Variants in CELF2 observed in about 807,000 individuals in gnomAD.
CELF2 encodes CUG triplet repeat RNA-binding protein 2.
Under a neutral mutation model 62.6 loss-of-function variants are expected in CELF2, and 8 were observed. The ratio of observed to expected loss-of-function variants is 0.13; its 90% CI spans 0.07 to 0.23. The LOEUF is 0.23. Among genes scored for constraint, CELF2 ranks in the 10% least tolerant of loss-of-function variants. The pLI, the probability that CELF2 is intolerant of heterozygous loss-of-function variation, is 1.00. For synonymous variants in CELF2, 258 were observed against 250.0 expected (o/e 1.03, Z -0.30); for missense variants, 333 against 671.0 (o/e 0.50, Z 5.56).
rs540938257 is a variant in CELF2 at position 10,859,103 on chromosome 10, AATG to A, written c.53+60289_53+60291del. 2.4e-3 allele frequency among the ~76,000 whole-genome samples: 365 copies of A among 152,282 alleles called. 2 individuals carry two copies. Among genetic ancestry groups the A allele is most frequent in the African/African-American group, 8.2e-3 (342 of 41,566 alleles). On this transcript the variant is annotated intron_variant, in intron 1 of 13. Transcript: ENST00000636488. ...TAAACTTTTTTCAAGTATTCGTATT[AATG>A]ATTTTTGGTTTTGTTTTCCTTTTTT... is the stretch of plus-strand genomic sequence containing the variant.
chr10:11,284,099 T>C (rs1200142969), intron 8 of CELF2, among the ~76,000 whole-genome samples: 19 of 77,716 alleles, frequency 2.4e-4, no homozygotes, highest in East Asian at 2.2e-3. Context: ...AGTGGGTGGA[T>C]GATGGATGAC....
At chr10:10,537,437 T>C in the CELF2 span, among the ~76,000 whole-genome samples, 1 of 152,212 alleles carries the variant, frequency 6.6e-6, no homozygotes, top group Non-Finnish European at 1.5e-5. Flanking sequence ...CTAGCATTTG[T>C]TGGGCCCCAG....
At chr10:10,732,557 T>G in the CELF2 span, among the ~76,000 whole-genome samples, 2 of 140,780 alleles carry the variant, frequency 1.4e-5, no homozygotes, top group Non-Finnish European at 1.5e-5. Flanking sequence ...AAAGTCTCAC[T>G]CTGTTGCCCA....
intron 1 of CELF2, among the ~76,000 whole-genome samples, chr10:10,883,765 G>A (rs1326023406): frequency 1.3e-5 from 2 of 152,110 alleles, no homozygotes; most frequent in African/African-American, 4.8e-5. Context: ...GCTGATATTT[G>A]ACCATATTGA....
rs770141923 is a variant in CELF2 at position 10,979,414 on chromosome 10, T to C, written c.89+59415T>C. The stretch of plus-strand genomic sequence containing the variant: ...AGCCTGACGCTGTGCCTCACGCCTG[T>C]AATCCCAGCACTTTGGGAGGCCTAG... On this transcript the variant is annotated intron_variant, in intron 2 of 13. Coordinates refer to the CELF2 transcript ENST00000636488. Among the ~76,000 whole-genome samples, 125 of 152,336 alleles carry C rather than the reference T, an allele frequency of 8.2e-4. 1 individual carries two copies. The highest frequency in any genetic ancestry group is 6.8e-3 in the Middle Eastern group (2 of 294).
At chr10:10,637,139 C>T in the CELF2 span, among the ~76,000 whole-genome samples, 1 of 152,068 alleles carries the variant, frequency 6.6e-6, no homozygotes, top group Non-Finnish European at 1.5e-5. Context: ...ACTTGTTTTC[C>T]ATTACATCAT....
rs2056455683 is a variant in CELF2 at position 11,011,477 on chromosome 10, A to G, written c.53+6037A>G. Among the ~76,000 whole-genome samples, 1 of 151,712 alleles carries G rather than the reference A, an allele frequency of 6.6e-6. No individual in the cohort carries two copies. Among genetic ancestry groups the G allele is most frequent in the Non-Finnish European group, 1.5e-5 (1 of 67,936 alleles). ...CATCTTTATTATTAAAAAAAAAAAAAACGCAAAATACAATCCTTAGCTTCA... is the reference window on the plus strand; with the variant it reads ...CATCTTTATTATTAAAAAAAAAAAAGACGCAAAATACAATCCTTAGCTTCA... On this transcript the variant is annotated intron_variant, in intron 1 of 12. Coordinates refer to the CELF2 transcript ENST00000416382. This position sits in a 1 kb window ranked among gnomAD's most constrained non-coding sequence, Gnocchi z 4.6.
At chr10:10,891,447 C>T (rs1044092257) in intron 1 of CELF2, among the ~76,000 whole-genome samples, 7 of 151,826 alleles carry the variant, frequency 4.6e-5, no homozygotes, top group African/African-American at 1.7e-4. Context: ...GCAGCAGCAC[C>T]TTTTACCGAA....
At chr10:10,717,538 G>A in the CELF2 span, among the ~76,000 whole-genome samples, 2 of 151,962 alleles carry the variant, frequency 1.3e-5, no homozygotes, top group Non-Finnish European at 2.9e-5. Flanking sequence ...CTCTTCTCAC[G>A]TAAATGGAAA....
chr10:10,530,626 G>A, the CELF2 span, among the ~76,000 whole-genome samples: 1 of 152,172 alleles, frequency 6.6e-6, no homozygotes, highest in African/African-American at 2.4e-5. Context: ...TCCTCTGGGT[G>A]TCTGAAAGCC....
chr10:11,177,842 C>G lies in CELF2; in HGVS notation c.271+12160C>G, dbSNP rs1358048664. Among the ~76,000 whole-genome samples, 1 of 152,086 alleles carries G rather than the reference C, an allele frequency of 6.6e-6. No homozygotes were observed. Among genetic ancestry groups the G allele is most frequent in the Admixed American group, 6.5e-5 (1 of 15,286 alleles). ...TGCCTCCCATTCCCAAAGCATTCTCCCTAACCCCATGGTGGAGGCTGCGGA... is the reference window on the plus strand; with the variant it reads ...TGCCTCCCATTCCCAAAGCATTCTCGCTAACCCCATGGTGGAGGCTGCGGA... On this transcript the variant is annotated intron_variant, in intron 2 of 12. Transcript: ENST00000633077. This position sits in a 1 kb window ranked among gnomAD's most constrained non-coding sequence, Gnocchi z 4.8.
At chr10:11,171,529 A>G (rs2068854377) in intron 2 of CELF2, among the ~76,000 whole-genome samples, 1 of 152,244 alleles carries the variant, frequency 6.6e-6, no homozygotes, top group Admixed American at 6.5e-5. Context: ...AATGAACAGG[A>G]AGAAGGAAAC....
chr10:11,104,825 A>G (rs1259551569), intron 1 of CELF2, among the ~76,000 whole-genome samples: 2 of 152,238 alleles, frequency 1.3e-5, no homozygotes, highest in African/African-American at 4.8e-5. Context: ...TGGGAAAACA[A>G]TGACATGTTC....
the CELF2 span, among the ~76,000 whole-genome samples, chr10:10,581,829 A>G: frequency 6.6e-6 from 1 of 152,162 alleles, no homozygotes; most frequent in South Asian, 2.1e-4. Context: ...GGTGTTTGAG[A>G]ACAGCCTGGC....
the CELF2 span, among the ~76,000 whole-genome samples, chr10:10,634,190 A>G: frequency 2.0e-5 from 3 of 152,154 alleles, no homozygotes; most frequent in East Asian, 5.8e-4. Flanking sequence ...ATCCATGAAC[A>G]TAGTACATTT....
chr10:10,639,710 G>A, the CELF2 span, among the ~76,000 whole-genome samples: 2 of 151,638 alleles, frequency 1.3e-5, no homozygotes, highest in African/African-American at 4.8e-5. Flanking sequence ...GCTTTTATTG[G>A]GGCAGATAAT....
chr10:11,033,848 T>G (rs1287518627), intron 1 of CELF2, among the ~76,000 whole-genome samples: 1 of 152,038 alleles, frequency 6.6e-6, no homozygotes, highest in Non-Finnish European at 1.5e-5. Context: ...AACTGAGGAG[T>G]TTAGGACTTA....
intron 2 of CELF2, among the ~76,000 whole-genome samples, chr10:11,166,105 C>T (rs557209702): frequency 6.6e-6 from 1 of 152,354 alleles, no homozygotes; most frequent in Admixed American, 6.5e-5. Flanking sequence ...TTTCACTTTT[C>T]CATAGCCTGT....
chr10:10,974,866 A>G (rs1235220490), intron 2 of CELF2, among the ~76,000 whole-genome samples: 5 of 152,204 alleles, frequency 3.3e-5, no homozygotes. Context: ...TTTTATCATA[A>G]AGGAAGGCAA....
Sources: allele counts gnomAD v4.1 joint callset (sites outside exome capture counted in the v4.1 genomes callset), GRCh38; gene constraint gnomAD v4.1.1; non-coding constraint Gnocchi (gnomAD v3.1); transcripts MANE v1.5; gene names NCBI Gene and HGNC (gene_info 2026-07-23, HGNC 2026-07-21).